DHRS12: variants seen among roughly 807,000 people sequenced by gnomAD.
The protein encoded by DHRS12 is dehydrogenase/reductase SDR family member 12.
In DHRS12, 29 loss-of-function variants were observed where a neutral mutation model predicts 32.1. The ratio of observed to expected loss-of-function variants is 0.90; its 90% CI spans 0.67 to 1.23. The LOEUF (loss-of-function observed/expected upper bound fraction) is 1.23. Ranked by LOEUF, DHRS12 falls within the 50% of genes most tolerant of loss-of-function variation. The pLI, the probability that DHRS12 is intolerant of heterozygous loss-of-function variation, is 0.00. For synonymous variants in DHRS12, 150 were observed against 135.9 expected (o/e 1.10, Z -0.72); for missense variants, 330 against 337.2 (o/e 0.98, Z 0.17).
chr13:51,767,953 T>C, downstream of DHRS12: 1 of 1,326,830 alleles, frequency 7.5e-7, no homozygotes, highest in African/African-American at 1.5e-5. Context: ...CATTCTCGAA[T>C]AAATGAGACT....
Position 51,769,194 on chromosome 13 carries a change from G to A in DHRS12, c.659C>T (p.Ser220Phe). Reference protein sequence around the residue: ...ADTMLWLALSSAAAAQPSGRF... With the variant: ...ADTMLWLALSFAAAAQPSGRF... ...GCCGCTGGGCTGTGCGGCTGCGGCA[G>A]AGGAGAGGGCCAGCCACAGCATGGT... The change falls in exon 8 of 9, where the codon TCT (serine) becomes TTT (phenylalanine). Residue 220 changes from serine to phenylalanine, a missense_variant. By Grantham distance (155) the Ser-to-Phe change is radical. Coordinates refer to ENST00000444610, the MANE Select transcript of DHRS12 (RefSeq NM_001377533.1). 1 of 1,561,280 alleles carries A rather than the reference G, an allele frequency of 6.4e-7. No individual in the cohort carries two copies. Among genetic ancestry groups the A allele is most frequent in the South Asian group, 1.2e-5 (1 of 84,884 alleles).
rs181178535 is a variant in DHRS12, at chr13:51,801,891, G to A, written c.-9+2163C>T. On this transcript the variant is annotated intron_variant, in intron 1 of 8. Coordinates refer to ENST00000444610, the MANE Select transcript of DHRS12 (RefSeq NM_001377533.1). ...TAGCCTCTGGGCTCCACACTGATCC[G>A]TATTAGAGACGAATGTTTGCTGAGG... 2.1e-3 allele frequency among the ~76,000 whole-genome samples: 314 copies of A among 152,310 alleles called. 3 individuals are homozygous for A. Among genetic ancestry groups the A allele is most frequent in the South Asian group, 8.1e-3 (39 of 4,830 alleles).
At chr13:51,758,224 A>T in the DHRS12 span, 3 of 1,593,664 alleles carry the variant, frequency 1.9e-6, no homozygotes, top group Non-Finnish European at 2.6e-6. Context: ...CATGACAGTA[A>T]ACATAACATT....
In DHRS12 at chr13:51,799,536, C is replaced by G. The variant is rs762625943; in HGVS notation, c.124G>C (p.Glu42Gln). 6.2e-7 allele frequency: 1 copy of G among 1,613,204 alleles called. No homozygotes were observed. The highest frequency in any genetic ancestry group is 1.3e-5 in the African/African-American group (1 of 74,896). ...AKQLPLKSPSENIFLHIVDLS... is the reference protein window; with the variant it reads ...AKQLPLKSPSQNIFLHIVDLS... ...CACACGTGTTAGCAGCTGCTTACCT[C>G]GCTTGGCGATTTCAAGGGCAGTTGC... Residue 42 changes from glutamate to glutamine, a missense_variant and splice_region_variant, in exon 2 of 9, where the codon GAG becomes CAG. Glu to Gln is a conservative substitution (Grantham distance 29). Coordinates refer to ENST00000444610, the MANE Select transcript of DHRS12 (RefSeq NM_001377533.1).
chr13:51,759,223 C>T, the DHRS12 span, among the ~76,000 whole-genome samples: 1 of 152,162 alleles, frequency 6.6e-6, no homozygotes, highest in East Asian at 1.9e-4. Context: ...CTGGCAGCCT[C>T]AGGTCCTTTA....
intron 1 of DHRS12, among the ~76,000 whole-genome samples, chr13:51,802,718 A>G (rs538369689): frequency 9.2e-5 from 14 of 152,370 alleles, no homozygotes; most frequent in African/African-American, 3.4e-4. Context: ...CTCACACTGA[A>G]GTCAAAACAA....
At chr13:51,770,797 T>C in intron 7 of DHRS12, 3 of 1,025,222 alleles carry the variant, frequency 2.9e-6, no homozygotes, top group Non-Finnish European at 2.3e-6. Context: ...CTTGGTATCT[T>C]CATTTAATGA....
rs184880881 is a variant in DHRS12 at position 51,790,781 on chromosome 13, A to C, written c.219+384T>G. Among the ~76,000 whole-genome samples the C allele has an allele frequency of 3.9e-5, 6 of 152,340 alleles. No homozygotes were observed. The East Asian group carries it at 1.2e-3, about 29-fold the overall frequency. ...CAGGCTCTCCATGGAGTTTTGTGCT[A>C]ATTATGTTACTAAAAGATTTGCCTG... On this transcript the variant is annotated intron_variant, in intron 3 of 8. Coordinates refer to ENST00000444610, the MANE Select transcript of DHRS12 (RefSeq NM_001377533.1).
At chr13:51,776,065 AG>A (rs1954359241) in intron 5 of DHRS12, 1 of 95,620 alleles carries the variant, frequency 1.0e-5, no homozygotes. Flanking sequence ...TGTATTCTAC[AG>A]TATTCTCCTA....
intron 4 of DHRS12, among the ~76,000 whole-genome samples, chr13:51,780,958 T>A (rs551172617): frequency 1.8e-4 from 28 of 152,240 alleles, no homozygotes; most frequent in Non-Finnish European, 4.0e-4. Context: ...TTAAAGCTAC[T>A]TTGGTTACTA....
chr13:51,778,499 C>T (rs577635592), intron 4 of DHRS12, among the ~76,000 whole-genome samples: 47 of 152,282 alleles, frequency 3.1e-4, no homozygotes, highest in African/African-American at 1.1e-3. Flanking sequence ...TTGTATTCAC[C>T]GCCGGTGGCT....
intron 4 of DHRS12, among the ~76,000 whole-genome samples, chr13:51,786,470 G>A (rs1240332323): frequency 6.6e-6 from 1 of 152,136 alleles, no homozygotes; most frequent in African/African-American, 2.4e-5. Context: ...GAAACAAAGG[G>A]GTGAGAACAG....
chr13:51,756,209 C>T, the DHRS12 span: 5 of 1,409,084 alleles, frequency 3.5e-6, no homozygotes, highest in Non-Finnish European at 4.8e-6. Flanking sequence ...TTCTGGGGCT[C>T]TCTTGTTCAG....
chr13:51,803,977 C>T, intron 1 of DHRS12, 77 bp downstream of exon 1: 1 of 1,276,378 alleles, frequency 7.8e-7, no homozygotes, highest in Non-Finnish European at 9.9e-7. Flanking sequence ...CGGGCGCGTC[C>T]CCGCCAACCC....
intron 3 of DHRS12, among the ~76,000 whole-genome samples, chr13:51,790,756 C>G (rs189241773): frequency 1.3e-3 from 197 of 152,270 alleles, no homozygotes; most frequent in African/African-American, 4.5e-3. Context: ...TGAGTCTACC[C>G]AGGCTCTCCA....
chr13:51,760,084 A>T, the DHRS12 span: 1 of 253,134 alleles, frequency 4.0e-6, no homozygotes. Flanking sequence ...ACTTTTCAAC[A>T]CCCCATTTTA....
chr13:51,771,699 A>G, intron 7 of DHRS12, 122 bp downstream of exon 7: 2 of 1,360,178 alleles, frequency 1.5e-6, no homozygotes, highest in Non-Finnish European at 2.1e-6. Context: ...ATGGAAATGA[A>G]GCTACTCCTC....
At chr13:51,795,408 T>C (rs1297092599) in intron 2 of DHRS12, among the ~76,000 whole-genome samples, 1 of 152,184 alleles carries the variant, frequency 6.6e-6, no homozygotes, top group South Asian at 2.1e-4. Flanking sequence ...ATAATGATAA[T>C]ACCAACAATA....
the DHRS12 span, chr13:51,762,614 A>T: frequency 6.6e-6 from 1 of 152,222 alleles, no homozygotes; most frequent in African/African-American, 2.4e-5. Context: ...GGTGTCTTCC[A>T]AGCATTTTAT....
Sources: gnomAD v4.1 joint callset for allele counts (sites outside exome capture counted in the v4.1 genomes callset) on GRCh38, gnomAD v4.1.1 for gene constraint, MANE v1.5 for transcripts, NCBI Gene and HGNC (gene_info 2026-07-23, HGNC 2026-07-21) for gene names.